The following PCSK5 variants were observed in gnomAD, a reference collection of about 807,000 sequenced individuals.
PCSK5 encodes prohormone convertase 5.
Under a neutral mutation model 233.2 loss-of-function variants are expected in PCSK5, and 129 were observed. That is an observed-to-expected ratio of 0.55 (90% confidence interval 0.48 to 0.64). The LOEUF is 0.64. Ranked by LOEUF, PCSK5 falls within the 30% of genes least tolerant of loss-of-function variation. The pLI, the probability that PCSK5 is intolerant of heterozygous loss-of-function variation, is 0.00. For synonymous variants in PCSK5, 825 were observed against 879.2 expected (o/e 0.94, Z 1.09); for missense variants, 2,076 against 2,430.1 (o/e 0.85, Z 3.06).
chr9:75,930,719 C>A (rs1823750069), intron 1 of PCSK5, among the ~76,000 whole-genome samples: 1 of 152,152 alleles, frequency 6.6e-6, no homozygotes, highest in African/African-American at 2.4e-5. Context: ...AATTCTGTTT[C>A]TTTCCACGAG....
At chr9:75,991,588 G>A (rs763068034) in intron 3 of PCSK5, among the ~76,000 whole-genome samples, 15 of 152,060 alleles carry the variant, frequency 9.9e-5, no homozygotes, top group African/African-American at 3.1e-4. Context: ...CTTTACCTTC[G>A]CTGATTGAAA....
intron 20 of PCSK5, among the ~76,000 whole-genome samples, chr9:76,221,852 C>A (rs1012334586): frequency 6.6e-6 from 1 of 152,156 alleles, no homozygotes; most frequent in African/African-American, 2.4e-5. Context: ...AGAGCATCTG[C>A]ACAAACCCCA....
intron 3 of PCSK5, among the ~76,000 whole-genome samples, chr9:76,012,646 C>T (rs1313671255): frequency 2.0e-5 from 3 of 152,184 alleles, no homozygotes; most frequent in African/African-American, 4.8e-5. Flanking sequence ...ATTAGACATA[C>T]TCTTTGATTA....
At chr9:76,205,312 A>G (rs1825068823) in intron 20 of PCSK5, 1 of 515,638 alleles carries the variant, frequency 1.9e-6, no homozygotes, top group Non-Finnish European at 3.9e-6. Context: ...CTGTTCCCAC[A>G]CAGAACACAG....
intron 21 of PCSK5, among the ~76,000 whole-genome samples, chr9:76,232,110 C>T (rs1826107849): frequency 1.3e-5 from 2 of 152,146 alleles, no homozygotes; most frequent in Admixed American, 6.5e-5. Context: ...AAATGGCCCA[C>T]CCCCCAGTTC....
At chr9:76,231,089 G>A (rs538188526) in intron 21 of PCSK5, among the ~76,000 whole-genome samples, 1 of 152,184 alleles carries the variant, frequency 6.6e-6, no homozygotes, top group Admixed American at 6.5e-5. Context: ...AAAGAAAAGA[G>A]GTTTAGTTGA....
rs1030281837 is a variant in PCSK5 at position 75,890,721 on chromosome 9, A to G, written c.-461A>G. The stretch of plus-strand genomic sequence containing the variant: ...GCTCGGAGCCGGAGGGAGCGCTGGG[A>G]GCGAGCAAGCGAGCGTTTGGAGCCC... On this transcript the variant is annotated 5_prime_UTR_variant, in exon 1 of 38. Coordinates refer to ENST00000674117, the MANE Select transcript of PCSK5 (RefSeq NM_001372043.1). 4.5e-4 allele frequency: 71 copies of G among 157,522 alleles called. No individual in the cohort carries two copies. The highest frequency in any genetic ancestry group is 1.1e-4 in the Non-Finnish European group (8 of 71,520). The allele number at this position is 157,522 out of a possible 1,614,324, so 9.8% of individuals were successfully genotyped here.
rs201547770 is a variant in PCSK5 at position 75,932,422 on chromosome 9, C to T, written c.236C>T (p.Thr79Met). Residue 79 changes from threonine to methionine, a missense_variant, in exon 2 of 38, where the codon ACG becomes ATG. Thr to Met is a moderately conservative substitution (Grantham distance 81). This residue lies in a region of PCSK5 where 190 missense variants were observed against 216.3 expected (regional missense o/e 0.88). Transcript: ENST00000674117. ...TACTACCACTTCTACCATAGCAGGACGATTAAAAGGTCAGTTATCTCGAGC... is the reference window on the plus strand; with the variant it reads ...TACTACCACTTCTACCATAGCAGGATGATTAAAAGGTCAGTTATCTCGAGC... ...KDYYHFYHSRTIKRSVISSRG... is the reference protein window; with the variant it reads ...KDYYHFYHSRMIKRSVISSRG... 2.1e-5 allele frequency: 34 copies of T among 1,612,974 alleles called. No individual in the cohort carries two copies. Among genetic ancestry groups the T allele is most frequent in the African/African-American group, 4.0e-5 (3 of 74,860 alleles).
intron 2 of PCSK5, among the ~76,000 whole-genome samples, chr9:75,976,934 TA>T (rs1416949234): frequency 6.6e-6 from 1 of 152,152 alleles, no homozygotes; most frequent in East Asian, 1.9e-4. Context: ...TAAGTACTTT[TA>T]AATTCATACT....
At chr9:76,127,182 T>C (rs559576638) in intron 9 of PCSK5, among the ~76,000 whole-genome samples, 6 of 152,296 alleles carry the variant, frequency 3.9e-5, no homozygotes, top group African/African-American at 1.4e-4. Context: ...ATGATTTCTG[T>C]TGCCTCTCCA....
chr9:75,908,143 T>C (rs1196179731), intron 1 of PCSK5, among the ~76,000 whole-genome samples: 1 of 152,156 alleles, frequency 6.6e-6, no homozygotes, highest in Non-Finnish European at 1.5e-5. Context: ...TATTGGGAGT[T>C]AACTCCCTTT....
chr9:76,102,803 T>C (rs1831817260), intron 8 of PCSK5, among the ~76,000 whole-genome samples: 1 of 152,200 alleles, frequency 6.6e-6, no homozygotes, highest in Admixed American at 6.5e-5. Flanking sequence ...TTTGAGTGTT[T>C]CCTAATGAAC....
chr9:76,153,759 G>A (rs1431087720), intron 10 of PCSK5, among the ~76,000 whole-genome samples: 1 of 152,054 alleles, frequency 6.6e-6, no homozygotes, highest in Non-Finnish European at 1.5e-5. Context: ...CCTGGTAAAC[G>A]CTTTATGACA....
chr9:76,083,797 A>G (rs548669198), intron 7 of PCSK5, among the ~76,000 whole-genome samples: 6 of 152,372 alleles, frequency 3.9e-5, no homozygotes, highest in Admixed American at 2.0e-4. Context: ...AATTAAAGAC[A>G]TACATTCACC....
intron 2 of PCSK5, among the ~76,000 whole-genome samples, chr9:75,964,095 GTA>G (rs1825473162): frequency 6.6e-6 from 1 of 152,188 alleles, no homozygotes; most frequent in South Asian, 2.1e-4. Context: ...TGTAGGGAGA[GTA>G]TCTGGACTGT....
chr9:75,891,085 C>A lies in PCSK5; in HGVS notation c.-97C>A. 1 of 1,175,164 alleles carries A rather than the reference C, an allele frequency of 8.5e-7. No homozygotes were observed. Among genetic ancestry groups the A allele is most frequent in the Non-Finnish European group, 1.1e-6 (1 of 903,660 alleles). The allele number at this position is 1,175,164 out of a possible 1,614,324, so 72.8% of individuals were successfully genotyped here. A position where few individuals can be genotyped will look rare whatever the true frequency, so the allele number is the denominator to read the frequency against. On this transcript the variant is annotated 5_prime_UTR_variant, in exon 1 of 38. In the 5' UTR this introduces an upstream ATG that the reference lacks. Coordinates refer to ENST00000674117, the MANE Select transcript of PCSK5 (RefSeq NM_001372043.1). ...GGCTGCGAGCTGCGGCGGCCCGGGG[C>A]TGCTCGCCGGGCGGCGCAGGCCGGA...
chr9:75,901,879 T>C (rs1335784090), intron 1 of PCSK5, among the ~76,000 whole-genome samples: 1 of 152,064 alleles, frequency 6.6e-6, no homozygotes, highest in Non-Finnish European at 1.5e-5. Flanking sequence ...GTCTGTATTG[T>C]TTTGTGCCTT....
intron 35 of PCSK5, among the ~76,000 whole-genome samples, chr9:76,344,335 C>T (rs1156829517): frequency 4.8e-5 from 2 of 41,668 alleles, no homozygotes; most frequent in East Asian, 2.1e-3. Context: ...CTCCATGCTC[C>T]CCTCACCACC....
chr9:75,993,965 A>G (rs1181721613), intron 3 of PCSK5, among the ~76,000 whole-genome samples: 1 of 152,188 alleles, frequency 6.6e-6, no homozygotes, highest in African/African-American at 2.4e-5. Flanking sequence ...AATAAACCAT[A>G]TCATTTATAT....
Sources: gnomAD v4.1 joint callset for allele counts (sites outside exome capture counted in the v4.1 genomes callset) on GRCh38, gnomAD v4.1.1 for gene constraint, gnomAD v4.1.1 regional missense constraint, MANE v1.5 for transcripts, NCBI Gene and HGNC (gene_info 2026-07-23, HGNC 2026-07-21) for gene names.